Variants in OVCH1 observed in about 807,000 individuals in gnomAD.
The protein encoded by OVCH1 is ovochymase-1.
In OVCH1, 139 loss-of-function variants were observed where a neutral mutation model predicts 138.4. The observed-to-expected ratio is 1.00, with a 90% confidence interval of 0.87 to 1.16. OVCH1 has a LOEUF of 1.16. OVCH1 is among the 50% of genes most tolerant of loss of function. The pLI is 0.00. For missense variants in OVCH1, 1,367 were observed against 1,357.9 expected (o/e 1.01, Z -0.11); for synonymous variants, 453 against 467.8 (o/e 0.97, Z 0.41).
chr12:29,477,374 G>C lies in OVCH1; in HGVS notation c.1213C>G (p.Leu405Val), dbSNP rs780142028. ...GACTTCTGTACAGCAGTAACGGTAA[G>C]CTCAAAGCCACTGCCACTGTCTTCT... Residue 405 changes from leucine to valine, a missense_variant, in exon 11 of 28, where the codon CTT (leucine) becomes GTT (valine). By Grantham distance (32) the Leu-to-Val change is conservative (BLOSUM62 1). Transcript: ENST00000318184. 1.2e-4 allele frequency: 198 copies of C among 1,613,854 alleles called. 2 individuals carry two copies. The South Asian group carries it at 2.0e-3, about 17-fold the overall frequency.
At chr12:29,467,525 A>G (rs2135993244) in intron 16 of OVCH1, among the ~76,000 whole-genome samples, 1 of 152,228 alleles carries the variant, frequency 6.6e-6, no homozygotes, top group South Asian at 2.1e-4. Flanking sequence ...TAGTCTTAGG[A>G]TCTTATACCC....
At chr12:29,421,708 A>T (rs991117776) in intron 3 of OVCH1, among the ~76,000 whole-genome samples, 1 of 152,118 alleles carries the variant, frequency 6.6e-6, no homozygotes, top group African/African-American at 2.4e-5. Context: ...TGTTTATTCC[A>T]TTCTCAAATT....
At chr12:29,465,508 C>G (rs1228456709) in intron 16 of OVCH1, among the ~76,000 whole-genome samples, 1 of 152,072 alleles carries the variant, frequency 6.6e-6, no homozygotes, top group East Asian at 1.9e-4. Context: ...TCAGATCTTG[C>G]AAGAACTCAC....
At chr12:29,476,755 GCACACACACA>G (rs548409739) in intron 12 of OVCH1, among the ~76,000 whole-genome samples, 26,567 of 103,178 alleles carry the variant, frequency 0.26, 3,125 homozygotes, top group Admixed American at 0.43. Flanking sequence ...ACACACGCGC[GCACACACACA>G]CACACACACA....
intron 21 of OVCH1, among the ~76,000 whole-genome samples, chr12:29,452,125 T>C (rs556515358): frequency 3.2e-4 from 48 of 152,220 alleles, no homozygotes; most frequent in Admixed American, 6.5e-5. Context: ...GCTTCTCTTA[T>C]GTCCTCATCA....
At position 29,469,708 on chromosome 12, in the gene OVCH1, C is replaced by T. The variant is rs980722088; in HGVS notation, c.1856+2094G>A. ...CAGTCTGTGCAACATAGCAAGACCC[C>T]GTGTCTTAAAAAAAAAAAAGTCGGG... On this transcript the variant is annotated intron_variant, in intron 16 of 27. Transcript: ENST00000318184. 7.8e-5 allele frequency among the ~76,000 whole-genome samples: 10 copies of T among 128,858 alleles called. No homozygotes were observed. In the South Asian group the frequency reaches 1.2e-3, roughly 15 times the overall value. The allele number at this position is 128,858 out of a possible 152,430, so 84.5% of individuals were successfully genotyped here.
intron 25 of OVCH1, among the ~76,000 whole-genome samples, chr12:29,442,980 T>G (rs920932024): frequency 1.3e-5 from 2 of 152,246 alleles, no homozygotes; most frequent in Admixed American, 1.3e-4. Context: ...GTAACCAGGC[T>G]TCTAACTCCT....
At chr12:29,496,415 T>C (rs1943418016) in intron 2 of OVCH1, 137 bp from the exon 3 acceptor site, 3 of 1,133,126 alleles carry the variant, frequency 2.6e-6, no homozygotes, top group Admixed American at 4.6e-5. Context: ...AGTAAGATAG[T>C]TCCTACGAAG....
chr12:29,470,392 A>C (rs7311051), intron 16 of OVCH1, among the ~76,000 whole-genome samples: 24,215 of 151,376 alleles, frequency 0.16, 2,046 homozygotes, highest in African/African-American at 0.22. Flanking sequence ...TTGTCTCCCA[A>C]CCCCTGTGTT....
chr12:29,441,707 T>C (rs986742002), intron 25 of OVCH1, among the ~76,000 whole-genome samples: 1 of 152,088 alleles, frequency 6.6e-6, no homozygotes, highest in African/African-American at 2.4e-5. Flanking sequence ...GGAGAAAATT[T>C]TCGCAACCTA....
chr12:29,486,364 GGAGT>G lies in OVCH1; in HGVS notation c.893-20_893-17del, dbSNP rs761405106. On this transcript the variant is annotated splice_polypyrimidine_tract_variant and intron_variant, in intron 7 of 27. Coordinates refer to ENST00000318184, the Ensembl canonical transcript of OVCH1. Reference sequence around the variant, plus strand: ...CGATCCAAACCTGTAAAAGGTATAAGGAGTTAGTGCCTTTCCCAATAATAATCAT... The same window carrying G: ...CGATCCAAACCTGTAAAAGGTATAAGTAGTGCCTTTCCCAATAATAATCAT... 1.9e-6 allele frequency: 3 copies of G among 1,554,888 alleles called. No individual in the cohort carries two copies. The highest frequency in any genetic ancestry group is 8.8e-7 in the Non-Finnish European group (1 of 1,130,280).
chr12:29,482,344 C>T (rs1243565258), intron 8 of OVCH1, among the ~76,000 whole-genome samples: 2 of 152,082 alleles, frequency 1.3e-5, no homozygotes, highest in Non-Finnish European at 2.9e-5. Flanking sequence ...TATCCAAGTC[C>T]TTTTTTTCAA....
At chr12:29,473,134 A>G in intron 14 of OVCH1, 31 bp from the exon 15 acceptor site, 1 of 1,506,522 alleles carries the variant, frequency 6.6e-7, no homozygotes, top group Non-Finnish European at 9.1e-7. Flanking sequence ...AATTGAAAGT[A>G]ATTAGAGAAG....
downstream of OVCH1, among the ~76,000 whole-genome samples, chr12:29,426,685 A>C (rs1331497046): frequency 6.6e-6 from 1 of 152,170 alleles, no homozygotes; most frequent in Non-Finnish European, 1.5e-5. Context: ...ACTGAATTCC[A>C]TATTCAATCC....
At chr12:29,439,563 T>C in intron 25 of OVCH1, 2 of 1,187,320 alleles carry the variant, frequency 1.7e-6, no homozygotes, top group Non-Finnish European at 2.2e-6. Context: ...CTACTCTCGG[T>C]ACTTTACCTC....
chr12:29,454,962 A>G, intron 20 of OVCH1, 29 bp from the exon 21 acceptor site: 1 of 1,549,020 alleles, frequency 6.5e-7, no homozygotes. Flanking sequence ...TGTTAAAAAT[A>G]AAGATGAAAG....
At chr12:29,481,410 C>G (rs2196490) in intron 8 of OVCH1, among the ~76,000 whole-genome samples, 3,423 of 152,184 alleles carry the variant, frequency 0.022, 45 homozygotes, top group Middle Eastern at 0.041. Context: ...TACTGAAAGT[C>G]TTATTAATCT....
At chr12:29,413,526 ATATT>A (rs1940988480) in intron 3 of OVCH1, among the ~76,000 whole-genome samples, 1 of 152,132 alleles carries the variant, frequency 6.6e-6, no homozygotes, top group Non-Finnish European at 1.5e-5. Context: ...ACATATTTTT[ATATT>A]TATTCTTTCT....
intron 9 of OVCH1, chr12:29,477,726 T>G (rs1302186797): frequency 1.5e-5 from 13 of 885,154 alleles, no homozygotes; most frequent in Non-Finnish European, 2.2e-5. Context: ...AATTCAGCTC[T>G]CTGATAAACT....
Sources: allele counts gnomAD v4.1 joint callset (sites outside exome capture counted in the v4.1 genomes callset), GRCh38; gene constraint gnomAD v4.1.1; transcripts MANE v1.5; gene names NCBI Gene and HGNC (gene_info 2026-07-23, HGNC 2026-07-21).